Variants in LRP1B observed in about 807,000 individuals in gnomAD.
The protein encoded by LRP1B is LDL receptor related protein 1B.
Under a neutral mutation model 556.6 loss-of-function variants are expected in LRP1B, and 217 were observed. That is an observed-to-expected ratio of 0.39 (90% CI 0.35 to 0.44). The LOEUF is 0.44. Ranked by LOEUF, LRP1B falls within the 20% of genes least tolerant of loss-of-function variation. The pLI is 1.00. For missense variants in LRP1B, 5,053 were observed against 5,620.8 expected, an observed-to-expected ratio of 0.90 and a Z score of 3.23; for synonymous variants, 2,047 against 1,865.8, an observed-to-expected ratio of 1.10 and a Z score of -2.50.
At chr2:141,166,517 ATTTC>A (rs1010293480) in intron 7 of LRP1B, among the ~76,000 whole-genome samples, 86 of 151,786 alleles carry the variant, frequency 5.7e-4, no homozygotes, top group African/African-American at 2.0e-3. Context: ...AGCATTTATC[ATTTC>A]TTTATGTTAC....
chr2:141,780,315 T>C (rs1695212880), intron 2 of LRP1B, among the ~76,000 whole-genome samples: 1 of 152,086 alleles, frequency 6.6e-6, no homozygotes, highest in Non-Finnish European at 1.5e-5. Context: ...GTATGATTCT[T>C]TTTTAAAATG....
In LRP1B at chr2:140,242,616, G is replaced by A. The variant is rs892383866; in HGVS notation, c.13325-3084C>T. ...TATAGTAGCATGAATGCTGTATTAGGAAAGTTTGCATTGTTCTGGGAATAT... is the reference window on the plus strand; with the variant it reads ...TATAGTAGCATGAATGCTGTATTAGAAAAGTTTGCATTGTTCTGGGAATAT... On this transcript the variant is annotated intron_variant, in intron 87 of 90. Transcript: ENST00000389484. Among the ~76,000 whole-genome samples the A allele has an allele frequency of 3.2e-4, 49 of 151,092 alleles. No individual in the cohort carries two copies. In the Admixed American group the frequency reaches 3.2e-3, roughly 10 times the overall value.
chr2:142,128,506 C>A (rs1215771678), intron 1 of LRP1B, among the ~76,000 whole-genome samples: 1 of 152,168 alleles, frequency 6.6e-6, no homozygotes, highest in Non-Finnish European at 1.5e-5. Context: ...TGTCATAATG[C>A]AGTAACACTT....
chr2:141,107,512 G>GGT (rs1046672579), intron 7 of LRP1B, among the ~76,000 whole-genome samples: 1 of 152,044 alleles, frequency 6.6e-6, no homozygotes, highest in African/African-American at 2.4e-5. Flanking sequence ...TGGACATGGT[G>GGT]GTGTGTACCT....
chr2:140,365,079 A>G (rs1682696442), intron 71 of LRP1B, among the ~76,000 whole-genome samples: 1 of 151,666 alleles, frequency 6.6e-6, no homozygotes, highest in African/African-American at 2.4e-5. Flanking sequence ...TGCTTCACAT[A>G]ATTTTTATGT....
At chr2:142,060,631 A>C (rs1278540586) in intron 1 of LRP1B, among the ~76,000 whole-genome samples, 2 of 152,018 alleles carry the variant, frequency 1.3e-5, no homozygotes, top group Non-Finnish European at 2.9e-5. Context: ...TAGATAATAC[A>C]CCGCAATGAA....
intron 3 of LRP1B, among the ~76,000 whole-genome samples, chr2:141,376,267 C>T (rs1179502853): frequency 6.6e-6 from 1 of 152,118 alleles, no homozygotes. Context: ...AGCCTGAGCC[C>T]CCAGTGAGTC....
At chr2:141,947,859 G>T (rs1269835922) in intron 1 of LRP1B, among the ~76,000 whole-genome samples, 2 of 150,098 alleles carry the variant, frequency 1.3e-5, no homozygotes, top group Non-Finnish European at 3.0e-5. Context: ...CCTGCACAAA[G>T]ACAGTTGAAA....
intron 3 of LRP1B, among the ~76,000 whole-genome samples, chr2:141,473,147 T>C (rs1277267907): frequency 1.4e-5 from 2 of 144,066 alleles, no homozygotes; most frequent in Admixed American, 1.4e-4. Context: ...TAAATCAGTG[T>C]TAAGAAGTCA....
At chr2:140,699,659 C>T (rs2105417747) in intron 41 of LRP1B, among the ~76,000 whole-genome samples, 1 of 151,234 alleles carries the variant, frequency 6.6e-6, no homozygotes, top group Admixed American at 6.6e-5. Flanking sequence ...AAAAAGGTTT[C>T]CCTAAATTAT....
intron 27 of LRP1B, among the ~76,000 whole-genome samples, chr2:140,858,946 G>A (rs893666717): frequency 2.0e-5 from 3 of 152,052 alleles, no homozygotes; most frequent in Non-Finnish European, 4.4e-5. Context: ...AGTATTCCAT[G>A]GTGTATATGT....
At position 141,212,249 on chromosome 2, in the gene LRP1B, ATTTTTTTTTTTTTTTTTTTTTTT is replaced by A. The variant is rs59699046; in HGVS notation, c.850+16911_850+16933del. On this transcript the variant is annotated intron_variant, in intron 6 of 90. Transcript: ENST00000389484. Reference sequence around the variant, plus strand: ...AAGATATATTGATCAAAAAGTCTAGATTTTTTTTTTTTTTTTTTTTTTTTTTTTTTTTTTTTTTTTTTTTTTTG... The same window carrying A: ...AAGATATATTGATCAAAAAGTCTAGATTTTTTTTTTTTTTTTTTTTTTTTG... 2.6e-4 allele frequency among the ~76,000 whole-genome samples: 16 copies of A among 62,270 alleles called. No homozygotes were observed. In the East Asian group the frequency reaches 4.9e-3, roughly 19 times the overall value. The allele number at this position is 62,270 out of a possible 152,430, so 40.9% of individuals were successfully genotyped here. A position where few individuals can be genotyped will look rare whatever the true frequency, so the allele number is the denominator to read the frequency against.
intron 6 of LRP1B, among the ~76,000 whole-genome samples, chr2:141,204,051 T>C (rs749479512): frequency 6.6e-6 from 1 of 152,184 alleles, no homozygotes; most frequent in Middle Eastern, 3.2e-3. Context: ...GGGAAATATA[T>C]AGCATTAAAT....
chr2:140,597,099 T>C (rs2105183980), intron 43 of LRP1B, among the ~76,000 whole-genome samples: 1 of 152,298 alleles, frequency 6.6e-6, no homozygotes, highest in African/African-American at 2.4e-5. Context: ...TTAATTTGAA[T>C]TCATATGAGG....
chr2:141,810,044 T>A lies in LRP1B; in HGVS notation c.205+235A>T, dbSNP rs536273082. On this transcript the variant is annotated intron_variant, in intron 2 of 90. Transcript: ENST00000389484. ...TTATGCTCTCCTTCACATACTCATATTTAAAAAAAAACACAAACAAAAGGT... is the reference window on the plus strand; with the variant it reads ...TTATGCTCTCCTTCACATACTCATAATTAAAAAAAAACACAAACAAAAGGT... Among the ~76,000 whole-genome samples, 448 of 150,332 alleles carry A rather than the reference T, an allele frequency of 3.0e-3. 2 individuals carry two copies. The highest frequency in any genetic ancestry group is 0.011 in the African/African-American group (432 of 40,848).
intron 1 of LRP1B, among the ~76,000 whole-genome samples, chr2:141,856,912 GAA>G (rs75949531): frequency 6.4e-5 from 9 of 140,120 alleles, no homozygotes; most frequent in East Asian, 2.1e-4. Flanking sequence ...ACTATTACAG[GAA>G]AAAAAAAAAA....
chr2:141,575,140 C>T (rs1686685843), intron 2 of LRP1B, among the ~76,000 whole-genome samples: 1 of 151,846 alleles, frequency 6.6e-6, no homozygotes, highest in Non-Finnish European at 1.5e-5. Context: ...CAAAGAAGAC[C>T]CTGTATAGCC....
chr2:141,967,739 GAGA>G (rs1701602020), intron 1 of LRP1B, among the ~76,000 whole-genome samples: 2 of 151,828 alleles, frequency 1.3e-5, no homozygotes, highest in African/African-American at 4.8e-5. Flanking sequence ...TCTGCTTAAA[GAGA>G]AGATGTGTAC....
At chr2:140,601,030 C>A (rs1375985385) in intron 42 of LRP1B, among the ~76,000 whole-genome samples, 1 of 148,292 alleles carries the variant, frequency 6.7e-6, no homozygotes, top group Middle Eastern at 3.3e-3. Context: ...AGTTTGCTTT[C>A]TTTTGTATTG....
Sources: gnomAD v4.1 joint callset for allele counts (sites outside exome capture counted in the v4.1 genomes callset) on GRCh38, gnomAD v4.1.1 for gene constraint, MANE v1.5 for transcripts, NCBI Gene and HGNC (gene_info 2026-07-23, HGNC 2026-07-21) for gene names.